Variants in CHLSN observed in about 807,000 individuals in gnomAD.
The protein encoded by CHLSN is protein cholesin.
the CHLSN span, among the ~76,000 whole-genome samples, chr7:1,086,139 G>T: frequency 2.0e-5 from 3 of 152,370 alleles, no homozygotes; most frequent in Admixed American, 6.5e-5. Flanking sequence ...GGAAACCCAG[G>T]GCACGTGAGT....
chr7:1,053,704 G>A, the CHLSN span, among the ~76,000 whole-genome samples: 1 of 152,350 alleles, frequency 6.6e-6, no homozygotes, highest in Middle Eastern at 3.4e-3. Flanking sequence ...GCAGTCGCCT[G>A]TAATCCCAGC....
chr7:1,009,595 C>T, the CHLSN span, among the ~76,000 whole-genome samples: 6 of 152,172 alleles, frequency 3.9e-5, no homozygotes, highest in Non-Finnish European at 7.4e-5. Context: ...GGGCTGAAGG[C>T]CACCACGAGT....
the CHLSN span, among the ~76,000 whole-genome samples, chr7:1,030,911 C>A: frequency 6.6e-6 from 1 of 152,226 alleles, no homozygotes; most frequent in Non-Finnish European, 1.5e-5. Context: ...TGCACCGGCA[C>A]ATCCAACCAC....
chr7:1,092,461 C>A, the CHLSN span: 1 of 1,608,190 alleles, frequency 6.2e-7, no homozygotes, highest in Non-Finnish European at 8.5e-7. Flanking sequence ...GGTCAGGGCG[C>A]ACCGGCACCG....
the CHLSN span, among the ~76,000 whole-genome samples, chr7:1,127,635 A>G: frequency 0.037 from 4,880 of 131,288 alleles, 321 homozygotes; most frequent in African/African-American, 0.11. Context: ...TCTGTCACCC[A>G]GGCTGGAGTG....
At chr7:1,046,333 G>C in the CHLSN span, among the ~76,000 whole-genome samples, 3 of 152,140 alleles carry the variant, frequency 2.0e-5, no homozygotes, top group African/African-American at 7.2e-5. Context: ...CAGAGAACCC[G>C]GCCGACCGTG....
the CHLSN span, among the ~76,000 whole-genome samples, chr7:1,136,161 T>C: frequency 5.4e-5 from 6 of 111,918 alleles, no homozygotes; most frequent in East Asian, 1.2e-3. Context: ...TATATATACA[T>C]AAATATGTAT....
the CHLSN span, among the ~76,000 whole-genome samples, chr7:1,106,182 C>G: frequency 1.3e-5 from 2 of 152,220 alleles, no homozygotes; most frequent in Admixed American, 1.3e-4. Flanking sequence ...CACTGCCCGG[C>G]CGAGCACTCA....
the CHLSN span, among the ~76,000 whole-genome samples, chr7:1,120,429 T>C: frequency 1.3e-5 from 2 of 152,132 alleles, no homozygotes; most frequent in Non-Finnish European, 2.9e-5. Context: ...GCAGCTGAGA[T>C]TACAGGTGCA....
At chr7:1,018,838 A>C in the CHLSN span, among the ~76,000 whole-genome samples, 5 of 151,992 alleles carry the variant, frequency 3.3e-5, no homozygotes, top group South Asian at 1.0e-3. Context: ...GGGGTGGGTG[A>C]TAGGCTCGTC....
chr7:1,008,830 CGT>C, the CHLSN span, among the ~76,000 whole-genome samples: 1 of 142,970 alleles, frequency 7.0e-6, no homozygotes, highest in African/African-American at 2.7e-5. Context: ...ATATACACAA[CGT>C]GTATACACAC....
the CHLSN span, among the ~76,000 whole-genome samples, chr7:981,483 C>T: frequency 1.4e-3 from 217 of 151,864 alleles, 2 homozygotes; most frequent in African/African-American, 5.0e-3. Context: ...GAGGCCGAGG[C>T]GGGCGGATCA....
chr7:1,084,398 C>T, the CHLSN span, among the ~76,000 whole-genome samples: 2 of 152,226 alleles, frequency 1.3e-5, no homozygotes, highest in Admixed American at 6.5e-5. Flanking sequence ...CTCCGAACCT[C>T]GGGCTGTCTT....
the CHLSN span, among the ~76,000 whole-genome samples, chr7:1,008,292 G>A: frequency 6.6e-6 from 1 of 152,174 alleles, no homozygotes; most frequent in Non-Finnish European, 1.5e-5. Context: ...GGCCTCTGAA[G>A]CCCTCTCTGT....
chr7:1,009,003 A>G, the CHLSN span, among the ~76,000 whole-genome samples: 7 of 20,416 alleles, frequency 3.4e-4, no homozygotes, highest in East Asian at 1.4e-3. Flanking sequence ...ACATACACGC[A>G]CACACACACA....
the CHLSN span, among the ~76,000 whole-genome samples, chr7:1,000,755 A>C: frequency 5.0e-4 from 76 of 152,214 alleles, no homozygotes; most frequent in African/African-American, 1.8e-3. Context: ...CTGCCGCCTG[A>C]CCAGGAAGCA....
At chr7:1,027,581 C>T in the CHLSN span, among the ~76,000 whole-genome samples, 1 of 152,284 alleles carries the variant, frequency 6.6e-6, no homozygotes, top group African/African-American at 2.4e-5. Flanking sequence ...AGCTGCCGGC[C>T]TGCTCCGCCG....
the CHLSN span, among the ~76,000 whole-genome samples, chr7:1,002,634 T>C: frequency 4.5e-3 from 498 of 110,500 alleles, 7 homozygotes; most frequent in Non-Finnish European, 4.6e-3. Flanking sequence ...GGGAGTCCTG[T>C]GGGTGGGGAG....
the CHLSN span, among the ~76,000 whole-genome samples, chr7:1,064,717 C>A: frequency 4.6e-5 from 7 of 152,328 alleles, no homozygotes; most frequent in East Asian, 1.4e-3. Flanking sequence ...TGGCCCCAGA[C>A]TGTCGGATGT....
Sources: gnomAD v4.1 joint callset for allele counts (sites outside exome capture counted in the v4.1 genomes callset) on GRCh38, gnomAD v4.1.1 for gene constraint, MANE v1.5 for transcripts, NCBI Gene and HGNC (gene_info 2026-07-23, HGNC 2026-07-21) for gene names.